The following FRMD6 variants were observed in gnomAD, a reference collection of about 807,000 sequenced individuals.
FRMD6 encodes the protein FERM domain-containing protein 6.
A neutral mutation model predicts 73.2 loss-of-function variants in FRMD6; 37 were observed. That is an observed-to-expected ratio of 0.51 (90% CI 0.39 to 0.66). The LOEUF (loss-of-function observed/expected upper bound fraction) is 0.66, where lower values mean the gene tolerates loss of function less well. Among genes scored for constraint, FRMD6 ranks in the 30% least tolerant of loss-of-function variants. The probability of loss-of-function intolerance (pLI) is 0.00; values close to 1 mark genes in which losing one functional copy is unlikely to be tolerated. For missense variants in FRMD6, 714 were observed against 780.5 expected (o/e 0.91, Z 1.02); for synonymous variants, 273 against 282.2 (o/e 0.97, Z 0.33).
rs973353256 is a variant in FRMD6 at position 51,722,499 on chromosome 14, G to GT, written c.1492+426dup. 5.9e-5 allele frequency among the ~76,000 whole-genome samples: 9 copies of GT among 152,160 alleles called. No individual in the cohort carries two copies. In the South Asian group the frequency reaches 6.2e-4, roughly 11 times the overall value. Reference sequence around the variant, plus strand: ...AGAAGTAGGCCTCCAGGTTTTTGGGGTTTTTTTGTTTTTTGTTTTTCCCAC... The same window carrying GT: ...AGAAGTAGGCCTCCAGGTTTTTGGGGTTTTTTTTGTTTTTTGTTTTTCCCAC... On this transcript the variant is annotated intron_variant, in intron 12 of 13. Transcript: ENST00000344768.
At chr14:51,467,291 C>T in the FRMD6 span, among the ~76,000 whole-genome samples, 28 of 152,314 alleles carry the variant, frequency 1.8e-4, no homozygotes, top group Non-Finnish European at 2.8e-4. Flanking sequence ...GGGGCAAGGC[C>T]ATAGATTAAC....
chr14:51,538,003 T>G (rs1396464886), intron 1 of FRMD6, among the ~76,000 whole-genome samples: 1 of 152,220 alleles, frequency 6.6e-6, no homozygotes, highest in Non-Finnish European at 1.5e-5. Context: ...GAAGTTTTAA[T>G]TTTAATGAAG....
At chr14:51,524,962 T>C (rs1885148795) in intron 1 of FRMD6, among the ~76,000 whole-genome samples, 2 of 151,594 alleles carry the variant, frequency 1.3e-5, no homozygotes, top group Admixed American at 1.3e-4. Flanking sequence ...TTACTTCTTT[T>C]TCTTTTTGTA....
upstream of FRMD6, among the ~76,000 whole-genome samples, chr14:51,648,074 C>T (rs1382590049): frequency 6.6e-6 from 1 of 152,182 alleles, no homozygotes; most frequent in Non-Finnish European, 1.5e-5. Context: ...ATTTGCCCAC[C>T]TCCGTCTCCC....
chr14:51,668,438 T>C lies in FRMD6; in HGVS notation c.-147+16442T>C, dbSNP rs187862618. 5.9e-3 allele frequency among the ~76,000 whole-genome samples: 901 copies of C among 152,178 alleles called. 9 individuals carry two copies. The highest frequency in any genetic ancestry group is 0.02 in the African/African-American group (833 of 41,496). ...TCTCCTGCCTCAGCTTCTGAGTAGC[T>C]GGGATTACAGGCATGCACTACCATG... is the stretch of plus-strand genomic sequence containing the variant. On this transcript the variant is annotated intron_variant, in intron 1 of 13. Transcript: ENST00000344768.
At chr14:51,589,315 A>G (rs755775365) in intron 2 of FRMD6, among the ~76,000 whole-genome samples, 1 of 148,558 alleles carries the variant, frequency 6.7e-6, no homozygotes, top group Non-Finnish European at 1.5e-5. Flanking sequence ...ACCACCATCC[A>G]CTATTGTTTT....
chr14:51,708,908 A>G (rs774416890), intron 7 of FRMD6, among the ~76,000 whole-genome samples: 14 of 152,142 alleles, frequency 9.2e-5, no homozygotes, highest in Non-Finnish European at 1.8e-4. Context: ...CACTCTCGGA[A>G]GTTACTCTCC....
chr14:51,599,848 C>G (rs1020607216), intron 2 of FRMD6: 1 of 149,448 alleles, frequency 6.7e-6, no homozygotes, highest in Non-Finnish European at 1.5e-5. Context: ...TCTCACTTCT[C>G]TGTAAATGGT....
At chr14:51,573,452 AG>A (rs1346194392) in intron 2 of FRMD6, among the ~76,000 whole-genome samples, 1 of 152,212 alleles carries the variant, frequency 6.6e-6, no homozygotes, top group Non-Finnish European at 1.5e-5. Flanking sequence ...AAATGTCTTA[AG>A]GTGAAACAGA....
the FRMD6 span, among the ~76,000 whole-genome samples, chr14:51,477,737 C>CTTTTTTTTTTT: frequency 8.2e-5 from 11 of 134,168 alleles, no homozygotes; most frequent in East Asian, 2.1e-4. Flanking sequence ...TTTTCTTTTT[C>CTTTTTTTTTTT]TTTTTTTTTT....
rs752662946 is a variant in FRMD6, at chr14:51,690,639, C to T, written c.99+704C>T. 9.8e-5 allele frequency among the ~76,000 whole-genome samples: 15 copies of T among 152,314 alleles called. 1 individual carries two copies. The highest frequency in any genetic ancestry group is 7.7e-4 in the East Asian group (4 of 5,174). On this transcript the variant is annotated intron_variant, in intron 2 of 13. Coordinates refer to ENST00000344768, the MANE Select transcript of FRMD6 (RefSeq NM_001267046.2). ...GACCTCAGGTGATCCGCGTCAGCCTCCCATAGTGCTGGGATTACAGGCGTG... is the reference window on the plus strand; with the variant it reads ...GACCTCAGGTGATCCGCGTCAGCCTTCCATAGTGCTGGGATTACAGGCGTG...
At position 51,721,956 on chromosome 14, in the gene FRMD6, G is replaced by C; in HGVS notation, c.1368G>C (p.Glu456Asp). Residue 456 changes from glutamate to aspartate, a missense_variant, in exon 12 of 14, where the codon GAG (glutamate) becomes GAC (aspartate). Glu to Asp is a conservative substitution (Grantham distance 45, BLOSUM62 2). Transcript: ENST00000344768. ...LEEDLQDDEI[E>D]MLVDDPRDLE... The stretch of plus-strand genomic sequence containing the variant: ...TTCCTTCTTCTGTGTCAGAAATAGA[G>C]ATGTTGGTTGATGACCCCCGGGATC... 6.2e-7 allele frequency: 1 copy of C among 1,614,076 alleles called. No homozygotes were observed. Among genetic ancestry groups the C allele is most frequent in the South Asian group, 1.1e-5 (1 of 91,078 alleles).
At chr14:51,550,580 A>ACCC (rs149360752) in intron 1 of FRMD6, among the ~76,000 whole-genome samples, 3,426 of 147,964 alleles carry the variant, frequency 0.023, 48 homozygotes, top group Middle Eastern at 0.035. Flanking sequence ...TTGGGAGGAG[A>ACCC]CCCCCCCGCC....
the FRMD6 span, among the ~76,000 whole-genome samples, chr14:51,410,101 C>G: frequency 2.6e-5 from 4 of 152,174 alleles, no homozygotes; most frequent in Admixed American, 2.0e-4. Context: ...AGTTTCAGAT[C>G]TTTTTCTGAA....
chr14:51,722,414 C>G (rs1310538694), intron 12 of FRMD6, among the ~76,000 whole-genome samples: 1 of 152,198 alleles, frequency 6.6e-6, no homozygotes, highest in Non-Finnish European at 1.5e-5. Context: ...AGTCTGGCCT[C>G]CTTTTTACAG....
intron 5 of FRMD6, 141 bp from the exon 6 acceptor site, chr14:51,704,608 C>T: frequency 1.5e-6 from 1 of 670,938 alleles, no homozygotes; most frequent in Non-Finnish European, 2.5e-6. Flanking sequence ...GCTACAACCG[C>T]TTCCTTTTCA....
chr14:51,529,253 C>T (rs1885442011), intron 1 of FRMD6, among the ~76,000 whole-genome samples: 2 of 152,216 alleles, frequency 1.3e-5, no homozygotes, highest in African/African-American at 4.8e-5. Context: ...AACTTTTTGG[C>T]CTTGGGCCAG....
intron 5 of FRMD6, among the ~76,000 whole-genome samples, chr14:51,703,126 A>G (rs1896426245): frequency 2.0e-5 from 3 of 152,030 alleles, no homozygotes; most frequent in South Asian, 2.1e-4. Flanking sequence ...AAGCTATCCT[A>G]TCAGAATCTT....
At chr14:51,694,903 T>G (rs1335709905) in intron 2 of FRMD6, among the ~76,000 whole-genome samples, 1 of 152,178 alleles carries the variant, frequency 6.6e-6, no homozygotes, top group African/African-American at 2.4e-5. Context: ...CAGGCAAGAC[T>G]TCAGAGCCAT....
Sources: gnomAD v4.1 joint callset for allele counts (sites outside exome capture counted in the v4.1 genomes callset) on GRCh38, gnomAD v4.1.1 for gene constraint, MANE v1.5 for transcripts, NCBI Gene and HGNC (gene_info 2026-07-23, HGNC 2026-07-21) for gene names.